The following LDB2 variants were observed in gnomAD, a reference collection of about 807,000 sequenced individuals.
LDB2 encodes the protein LIM domain binding 2, also known as LIM domain-binding protein 2.
In LDB2, 12 loss-of-function variants were observed where a neutral mutation model predicts 44.3. The ratio of observed to expected loss-of-function variants is 0.27; its 90% CI spans 0.17 to 0.44. LDB2 has a LOEUF of 0.44. Ranked by LOEUF, LDB2 falls within the 20% of genes least tolerant of loss-of-function variation. LDB2 has a pLI of 1.00. For synonymous variants in LDB2, 164 were observed against 174.8 expected, an observed-to-expected ratio of 0.94 and a Z score of 0.49; for missense variants, 344 against 473.5, an observed-to-expected ratio of 0.73 and a Z score of 2.54.
intron 5 of LDB2, among the ~76,000 whole-genome samples, chr4:16,520,957 C>A (rs991641272): frequency 6.6e-6 from 1 of 152,186 alleles, no homozygotes. Context: ...CCCCCTTCCA[C>A]AATGCTTGGG....
At chr4:16,850,945 TAA>T (rs1274976399) in intron 1 of LDB2, among the ~76,000 whole-genome samples, 4 of 132,486 alleles carry the variant, frequency 3.0e-5, no homozygotes, top group Admixed American at 2.4e-4. Flanking sequence ...GTTAAAACCA[TAA>T]GTGTGTGTGT....
intron 2 of LDB2, among the ~76,000 whole-genome samples, chr4:16,743,221 C>T (rs1443235917): frequency 5.3e-5 from 8 of 152,172 alleles, no homozygotes; most frequent in East Asian, 1.9e-4. Flanking sequence ...ACCCAGGAGG[C>T]GGAGTTTGCA....
chr4:16,701,391 C>T (rs960022897), intron 2 of LDB2, among the ~76,000 whole-genome samples: 9 of 152,098 alleles, frequency 5.9e-5, no homozygotes, highest in South Asian at 2.1e-4. Flanking sequence ...CCTGGCACCA[C>T]GCAACTTTGG....
chr4:16,808,129 AG>A (rs1340530483), intron 1 of LDB2, among the ~76,000 whole-genome samples: 1 of 152,208 alleles, frequency 6.6e-6, no homozygotes, highest in Non-Finnish European at 1.5e-5. Context: ...AGGAAAGGAA[AG>A]CAGAAAATTC....
chr4:16,739,414 C>A (rs1762500209), intron 2 of LDB2, among the ~76,000 whole-genome samples: 1 of 148,940 alleles, frequency 6.7e-6, no homozygotes, highest in African/African-American at 2.5e-5. Context: ...GGTGAAATCC[C>A]ATCTCTACTA....
chr4:16,871,621 CTTT>C (rs369989468), intron 1 of LDB2, among the ~76,000 whole-genome samples: 1 of 124,796 alleles, frequency 8.0e-6, no homozygotes. Context: ...ACCACTCTTT[CTTT>C]TTTTTTTTTT....
At chr4:16,809,969 T>A (rs1289575438) in intron 1 of LDB2, among the ~76,000 whole-genome samples, 3 of 152,214 alleles carry the variant, frequency 2.0e-5, no homozygotes, top group Non-Finnish European at 4.4e-5. Context: ...ATGCAATCTT[T>A]AGCCCACTAA....
intron 1 of LDB2, chr4:16,759,463 T>C (rs1237398274): frequency 5.4e-6 from 3 of 555,782 alleles, no homozygotes; most frequent in Non-Finnish European, 9.6e-6. Flanking sequence ...ATTCAATAAG[T>C]GAGCTCAAAC....
At chr4:16,605,800 C>T (rs1365699206) in intron 2 of LDB2, among the ~76,000 whole-genome samples, 1 of 152,164 alleles carries the variant, frequency 6.6e-6, no homozygotes, top group Non-Finnish European at 1.5e-5. Flanking sequence ...GAGACCTCCC[C>T]GCCCTGCTCA....
chr4:16,769,589 C>A (rs55683145), intron 1 of LDB2, among the ~76,000 whole-genome samples: 158 of 151,908 alleles, frequency 1.0e-3, no homozygotes, highest in African/African-American at 3.6e-3. Flanking sequence ...AGCCACTGTG[C>A]CCAGCCCTAT....
chr4:16,743,960 TACACATC>T (rs1305838348), intron 2 of LDB2, among the ~76,000 whole-genome samples: 13 of 152,244 alleles, frequency 8.5e-5, no homozygotes, highest in Non-Finnish European at 1.3e-4. Context: ...TCCAATTTTT[TACACATC>T]ACTAAAATCA....
intron 5 of LDB2, among the ~76,000 whole-genome samples, chr4:16,584,217 A>C (rs1019958561): frequency 6.6e-6 from 1 of 152,158 alleles, no homozygotes; most frequent in East Asian, 1.9e-4. Flanking sequence ...AGCCCTTTAC[A>C]TGGATTTTCT....
intron 2 of LDB2, among the ~76,000 whole-genome samples, chr4:16,619,362 G>A (rs964880162): frequency 1.3e-5 from 2 of 152,128 alleles, no homozygotes; most frequent in Non-Finnish European, 2.9e-5. Flanking sequence ...CTGCTGAGAG[G>A]ATAAATATTT....
intron 2 of LDB2, among the ~76,000 whole-genome samples, chr4:16,682,530 T>C (rs1222766926): frequency 6.6e-6 from 1 of 152,198 alleles, no homozygotes; most frequent in Non-Finnish European, 1.5e-5. Context: ...CCAGTAAATG[T>C]TTATTCTCAC....
chr4:16,839,774 T>A (rs1486844767), intron 1 of LDB2, among the ~76,000 whole-genome samples: 3 of 152,164 alleles, frequency 2.0e-5, no homozygotes, highest in African/African-American at 4.8e-5. Flanking sequence ...TCAGGCACTG[T>A]GCCATGAGCT....
chr4:16,653,148 A>T (rs1738778648), intron 2 of LDB2, among the ~76,000 whole-genome samples: 3 of 152,158 alleles, frequency 2.0e-5, no homozygotes, highest in Admixed American at 2.0e-4. Context: ...CCTGCAGCTG[A>T]TAGAGCCACC....
chr4:16,512,900 T>C (rs960044556), intron 5 of LDB2, among the ~76,000 whole-genome samples: 12 of 152,216 alleles, frequency 7.9e-5, no homozygotes, highest in African/African-American at 2.7e-4. Flanking sequence ...CCTTGGACTT[T>C]TCCGAATTCC....
At position 16,533,061 on chromosome 4, in the gene LDB2, C is replaced by T. The variant is rs1190598142; in HGVS notation, c.616-20957G>A. ...AGTGTGACCAACTTGCTTCAGTTTG[C>T]TTGGGACTGTCCCAGATTTTAAAAC... On this transcript the variant is annotated intron_variant, in intron 5 of 7. Coordinates refer to ENST00000304523, the MANE Select transcript of LDB2 (RefSeq NM_001290.5). The surrounding 1 kb of genome is among the most constrained non-coding windows in gnomAD (Gnocchi z 4.1). Among the ~76,000 whole-genome samples the T allele has an allele frequency of 6.6e-6, 1 of 152,168 alleles. No homozygotes were observed. The highest frequency in any genetic ancestry group is 2.4e-5 in the African/African-American group (1 of 41,438).
chr4:16,525,311 T>G (rs1727807729), intron 5 of LDB2, among the ~76,000 whole-genome samples: 1 of 152,222 alleles, frequency 6.6e-6, no homozygotes, highest in African/African-American at 2.4e-5. Context: ...GCTGTCTTCT[T>G]GGCTGCTTTC....
Sources: allele counts gnomAD v4.1 joint callset (sites outside exome capture counted in the v4.1 genomes callset), GRCh38; gene constraint gnomAD v4.1.1; non-coding constraint Gnocchi (gnomAD v3.1); transcripts MANE v1.5; gene names NCBI Gene and HGNC (gene_info 2026-07-23, HGNC 2026-07-21).